The following XKR6 variants were observed in gnomAD, a reference collection of about 807,000 sequenced individuals.
The protein encoded by XKR6 is XK related 6.
Under a neutral mutation model 56.7 loss-of-function variants are expected in XKR6, and 22 were observed. The observed-to-expected ratio is 0.39, with a 90% CI of 0.28 to 0.55. The LOEUF (loss-of-function observed/expected upper bound fraction) is 0.55, where lower values mean the gene tolerates loss of function less well. Ranked by LOEUF, XKR6 falls within the 20% of genes least tolerant of loss-of-function variation. The pLI, the probability that XKR6 is intolerant of heterozygous loss-of-function variation, is 0.66. For missense variants in XKR6, 852 were observed against 889.0 expected (o/e 0.96, Z 0.53); for synonymous variants, 524 against 387.8 (o/e 1.35, Z -4.13).
rs1376253516 is a variant in XKR6, at chr8:11,200,084, C to A, written c.764+492G>T. The stretch of plus-strand genomic sequence containing the variant: ...CGTGGAATCCAGGAGTGCTCGGAGG[C>A]GGCAGCAAGGGTTTTTCCACAGGGC... On this transcript the variant is annotated intron_variant, in intron 1 of 2. Coordinates refer to ENST00000416569, the MANE Select transcript of XKR6 (RefSeq NM_173683.4). The surrounding 1 kb of genome is among the most constrained non-coding windows in gnomAD (Gnocchi z 6.4). 6.6e-6 allele frequency among the ~76,000 whole-genome samples: 1 copy of A among 152,080 alleles called. No individual in the cohort carries two copies. The highest frequency in any genetic ancestry group is 1.5e-5 in the Non-Finnish European group (1 of 68,026).
chr8:11,110,155 T>C (rs376212615), intron 1 of XKR6, among the ~76,000 whole-genome samples: 2 of 152,074 alleles, frequency 1.3e-5, no homozygotes, highest in East Asian at 3.9e-4. Context: ...GTATTTTTAG[T>C]AGAGATGGGG....
At chr8:10,938,219 T>C (rs1801283750) in intron 1 of XKR6, among the ~76,000 whole-genome samples, 1 of 152,240 alleles carries the variant, frequency 6.6e-6, no homozygotes, top group Non-Finnish European at 1.5e-5. Flanking sequence ...CCTGACCCCT[T>C]GCGCTTCCCA....
At chr8:11,044,641 T>C (rs1330406394) in intron 1 of XKR6, among the ~76,000 whole-genome samples, 2 of 151,918 alleles carry the variant, frequency 1.3e-5, no homozygotes, top group African/African-American at 4.8e-5. Context: ...TCTGATTTTT[T>C]TTTTTTTTGC....
At chr8:10,943,790 T>C (rs1312395598) in intron 1 of XKR6, among the ~76,000 whole-genome samples, 2 of 152,148 alleles carry the variant, frequency 1.3e-5, no homozygotes, top group African/African-American at 2.4e-5. Context: ...CAGGGCACTA[T>C]GCTCTCCTGC....
chr8:11,135,830 G>T (rs930362547), intron 1 of XKR6, among the ~76,000 whole-genome samples: 3 of 151,618 alleles, frequency 2.0e-5, no homozygotes, highest in Non-Finnish European at 2.9e-5. Context: ...TAAAAGGAAG[G>T]AAGGAAGGAA....
At chr8:11,130,897 G>A (rs1245540803) in intron 1 of XKR6, among the ~76,000 whole-genome samples, 1 of 152,084 alleles carries the variant, frequency 6.6e-6, no homozygotes, top group African/African-American at 2.4e-5. Flanking sequence ...TAACCTTGCA[G>A]AGCAGCAAAT....
At chr8:10,909,204 T>C (rs912256259) in intron 2 of XKR6, among the ~76,000 whole-genome samples, 3 of 151,578 alleles carry the variant, frequency 2.0e-5, no homozygotes, top group African/African-American at 7.3e-5. Context: ...GCTCTGTCTC[T>C]CTCTCTCTCT....
chr8:10,978,031 G>C (rs545676090), intron 1 of XKR6, among the ~76,000 whole-genome samples: 2 of 152,018 alleles, frequency 1.3e-5, no homozygotes, highest in African/African-American at 4.8e-5. Flanking sequence ...TAGTGGGTCT[G>C]CCTTATTTAG....
intron 1 of XKR6, among the ~76,000 whole-genome samples, chr8:10,968,882 G>A (rs565633338): frequency 8.9e-4 from 136 of 152,352 alleles, no homozygotes; most frequent in African/African-American, 2.9e-3. Context: ...GCTGACAGCC[G>A]CTCCAGCAGT....
intron 1 of XKR6, chr8:11,108,361 G>A (rs1798758036): frequency 2.2e-6 from 1 of 456,030 alleles, no homozygotes; most frequent in Non-Finnish European, 4.4e-6. Context: ...ACAATTTGAA[G>A]TACACATGTT....
intron 1 of XKR6, among the ~76,000 whole-genome samples, chr8:11,134,323 T>C (rs1379888249): frequency 6.6e-6 from 1 of 152,154 alleles, no homozygotes; most frequent in Non-Finnish European, 1.5e-5. Context: ...AAACAAAGAC[T>C]TCTGTCATAT....
intron 1 of XKR6, among the ~76,000 whole-genome samples, chr8:11,168,560 C>G (rs1563189939): frequency 6.6e-6 from 1 of 152,036 alleles, no homozygotes; most frequent in Non-Finnish European, 1.5e-5. Flanking sequence ...CAGACATATA[C>G]AGAACATTTT....
intron 1 of XKR6, chr8:11,129,078 T>A (rs1475629437): frequency 4.9e-6 from 2 of 408,746 alleles, no homozygotes; most frequent in African/African-American, 2.1e-5. Context: ...GATGCATCCA[T>A]GTAATCAAGA....
At chr8:11,142,149 G>A (rs564998745) in intron 1 of XKR6, among the ~76,000 whole-genome samples, 2 of 152,190 alleles carry the variant, frequency 1.3e-5, no homozygotes, top group East Asian at 1.9e-4. Context: ...CCTCTCTACT[G>A]GGAAGGCACA....
chr8:11,171,613 G>A (rs112550915), intron 1 of XKR6, among the ~76,000 whole-genome samples: 1,596 of 152,230 alleles, frequency 0.01, 20 homozygotes, highest in African/African-American at 0.037. Context: ...CCTTCTTGCC[G>A]TGTGATCTCT....
intron 1 of XKR6, among the ~76,000 whole-genome samples, chr8:10,957,111 CG>C (rs1801913373): frequency 1.3e-5 from 2 of 152,096 alleles, no homozygotes; most frequent in South Asian, 4.2e-4. Context: ...CCACCATGCC[CG>C]TTTAATTTTT....
chr8:11,195,056 G>A (rs1399725269), intron 1 of XKR6: 2 of 687,170 alleles, frequency 2.9e-6, no homozygotes, highest in African/African-American at 3.5e-5. Context: ...CATTCTCCTG[G>A]AGGAAGTATC....
At chr8:11,078,835 G>A (rs1563122065) in intron 1 of XKR6, among the ~76,000 whole-genome samples, 2 of 152,192 alleles carry the variant, frequency 1.3e-5, no homozygotes, top group Non-Finnish European at 2.9e-5. Context: ...GGAGAAGAGT[G>A]GACATACCCT....
At chr8:10,973,468 A>G (rs1436918146) in intron 1 of XKR6, among the ~76,000 whole-genome samples, 1 of 152,152 alleles carries the variant, frequency 6.6e-6, no homozygotes, top group Non-Finnish European at 1.5e-5. Context: ...CTTTCATTCA[A>G]TCTTCCCAAC....
Sources: gnomAD v4.1 joint callset for allele counts (sites outside exome capture counted in the v4.1 genomes callset) on GRCh38, gnomAD v4.1.1 for gene constraint, Gnocchi (gnomAD v3.1) non-coding constraint, MANE v1.5 for transcripts, NCBI Gene and HGNC (gene_info 2026-07-23, HGNC 2026-07-21) for gene names.